The following RORA variants were observed in gnomAD, a reference collection of about 807,000 sequenced individuals.
RORA encodes the protein nuclear receptor ROR-alpha.
Under a neutral mutation model 69.5 loss-of-function variants are expected in RORA, and 7 were observed. That is an observed-to-expected ratio of 0.10 (90% CI 0.06 to 0.19). The LOEUF (loss-of-function observed/expected upper bound fraction) is 0.19, where lower values mean the gene tolerates loss of function less well. Ranked by LOEUF, RORA falls within the 10% of genes least tolerant of loss-of-function variation. RORA has a pLI of 1.00. For missense variants in RORA, 457 were observed against 663.0 expected, an observed-to-expected ratio of 0.69 and a Z score of 3.41; for synonymous variants, 261 against 240.8, an observed-to-expected ratio of 1.08 and a Z score of -0.78.
At chr15:60,843,379 C>T (rs1040074834) in intron 1 of RORA, among the ~76,000 whole-genome samples, 8 of 152,128 alleles carry the variant, frequency 5.3e-5, no homozygotes, top group Non-Finnish European at 8.8e-5. Context: ...GTGAGGACAT[C>T]GGAGCCTGGA....
chr15:60,822,987 TTTC>T (rs149315742), intron 1 of RORA, among the ~76,000 whole-genome samples: 7,300 of 151,698 alleles, frequency 0.048, 226 homozygotes, highest in Admixed American at 0.083. Context: ...CTTTCCTTCC[TTTC>T]TTCTTTTCTT....
intron 2 of RORA, among the ~76,000 whole-genome samples, chr15:60,570,106 T>G (rs776947510): frequency 2.6e-5 from 4 of 152,270 alleles, no homozygotes; most frequent in Middle Eastern, 6.8e-3. Flanking sequence ...CCTGCTTATT[T>G]GACTCCGAGA....
intron 1 of RORA, among the ~76,000 whole-genome samples, chr15:60,907,707 C>T (rs542363831): frequency 4.6e-5 from 7 of 152,212 alleles, no homozygotes; most frequent in East Asian, 1.9e-4. Context: ...CCACATTTAG[C>T]GTTTTTTTTC....
At chr15:61,212,582 G>C (rs747407061) in intron 1 of RORA, among the ~76,000 whole-genome samples, 35 of 152,082 alleles carry the variant, frequency 2.3e-4, no homozygotes, top group Non-Finnish European at 4.0e-4. Context: ...AGTAGAGAAA[G>C]GGTTTCACCA....
At chr15:60,616,559 G>A (rs1039099740) in intron 2 of RORA, among the ~76,000 whole-genome samples, 3 of 152,228 alleles carry the variant, frequency 2.0e-5, no homozygotes, top group African/African-American at 7.2e-5. Context: ...GAGCAGCAGA[G>A]GGGTGTTTGG....
intron 1 of RORA, among the ~76,000 whole-genome samples, chr15:61,195,480 T>C (rs182037630): frequency 1.3e-5 from 2 of 152,004 alleles, no homozygotes; most frequent in Non-Finnish European, 2.9e-5. Context: ...ACAGTTCTAA[T>C]CAATCCCACT....
At chr15:61,052,687 C>T (rs978431397) in intron 1 of RORA, among the ~76,000 whole-genome samples, 10 of 152,216 alleles carry the variant, frequency 6.6e-5, no homozygotes, top group South Asian at 6.2e-4. Flanking sequence ...GGTTCCCTCA[C>T]TGACTGTTTC....
chr15:60,665,452 T>C (rs2070365359), intron 2 of RORA, among the ~76,000 whole-genome samples: 1 of 152,216 alleles, frequency 6.6e-6, no homozygotes, highest in Non-Finnish European at 1.5e-5. Context: ...ACATTCTTCA[T>C]ATCTAGAAAG....
intron 1 of RORA, among the ~76,000 whole-genome samples, chr15:60,794,628 C>G (rs1014147309): frequency 6.6e-6 from 1 of 152,244 alleles, no homozygotes; most frequent in Admixed American, 6.5e-5. Context: ...CCCAATATCC[C>G]TATGAGCTGC....
chr15:60,905,302 G>C lies in RORA; in HGVS notation c.167-226616C>G, dbSNP rs1161963097. On this transcript the variant is annotated intron_variant, in intron 1 of 10. Transcript: ENST00000335670. The surrounding 1 kb of genome is among the most constrained non-coding windows in gnomAD (Gnocchi z 4.8). ...TGTTTTTTCTCCAGAGCAGCCAGAG[G>C]TTCCTTAATTTGCATCGTTATATGA... is the stretch of plus-strand genomic sequence containing the variant. Among the ~76,000 whole-genome samples, 1 of 152,204 alleles carries C rather than the reference G, an allele frequency of 6.6e-6. No homozygotes were observed. The highest frequency in any genetic ancestry group is 6.5e-5 in the Admixed American group (1 of 15,282).
intron 2 of RORA, chr15:60,558,029 G>A (rs1024705500): frequency 4.4e-5 from 17 of 384,386 alleles, no homozygotes; most frequent in Non-Finnish European, 6.9e-5. Flanking sequence ...AGGATGTTTG[G>A]CCTCTGAATG....
intron 2 of RORA, among the ~76,000 whole-genome samples, chr15:60,589,555 T>G (rs2068438214): frequency 6.6e-6 from 1 of 152,264 alleles, no homozygotes; most frequent in African/African-American, 2.4e-5. Flanking sequence ...ATAAATGTTA[T>G]AGCTGGCTCT....
At chr15:61,089,905 C>A (rs1402498637) in intron 1 of RORA, among the ~76,000 whole-genome samples, 1 of 152,120 alleles carries the variant, frequency 6.6e-6, no homozygotes, top group African/African-American at 2.4e-5. Flanking sequence ...AATTACCAGG[C>A]CAATGACCAT....
intron 1 of RORA, among the ~76,000 whole-genome samples, chr15:60,801,356 G>C (rs1411427897): frequency 6.6e-6 from 1 of 152,138 alleles, no homozygotes; most frequent in Non-Finnish European, 1.5e-5. Flanking sequence ...TATAAGGAAC[G>C]AATGCTGCCT....
chr15:61,084,804 G>A (rs968726527), intron 1 of RORA, among the ~76,000 whole-genome samples: 3 of 150,740 alleles, frequency 2.0e-5, no homozygotes, highest in Non-Finnish European at 4.4e-5. Context: ...CAAAATTCAG[G>A]CCCTTTCAGT....
chr15:60,928,156 A>T (rs1285105164), intron 1 of RORA, among the ~76,000 whole-genome samples: 2 of 152,116 alleles, frequency 1.3e-5, no homozygotes, highest in African/African-American at 2.4e-5. Flanking sequence ...AATCCCTTTA[A>T]ATGTTCCTCA....
intron 1 of RORA, among the ~76,000 whole-genome samples, chr15:60,990,365 C>T (rs4414437): frequency 0.28 from 42,747 of 152,006 alleles, 6,217 homozygotes; most frequent in South Asian, 0.39. Flanking sequence ...TATGACTGGG[C>T]AGCAACTCAA....
chr15:61,163,158 T>G (rs1362064872), intron 1 of RORA, among the ~76,000 whole-genome samples: 2 of 152,204 alleles, frequency 1.3e-5, no homozygotes, highest in Non-Finnish European at 2.9e-5. Flanking sequence ...TAACTATCTA[T>G]TTCTCTGTTT....
intron 1 of RORA, among the ~76,000 whole-genome samples, chr15:61,087,574 A>G (rs1369544107): frequency 1.3e-5 from 2 of 152,258 alleles, no homozygotes; most frequent in African/African-American, 4.8e-5. Context: ...GAATTTCTGC[A>G]TGTGATTTCA....
Sources: gnomAD v4.1 joint callset for allele counts (sites outside exome capture counted in the v4.1 genomes callset) on GRCh38, gnomAD v4.1.1 for gene constraint, Gnocchi (gnomAD v3.1) non-coding constraint, MANE v1.5 for transcripts, NCBI Gene and HGNC (gene_info 2026-07-23, HGNC 2026-07-21) for gene names.